MFSD6: variants seen among roughly 807,000 people sequenced by gnomAD.
MFSD6 encodes major facilitator superfamily domain-containing protein 6.
Under a neutral mutation model 56.3 loss-of-function variants are expected in MFSD6, and 26 were observed. That is an observed-to-expected ratio of 0.46 (90% confidence interval 0.34 to 0.64). MFSD6 has a LOEUF of 0.64. Among genes scored for constraint, MFSD6 ranks in the 30% least tolerant of loss-of-function variants. MFSD6 has a pLI of 0.01. For synonymous variants in MFSD6, 331 were observed against 366.9 expected, an observed-to-expected ratio of 0.90 and a Z score of 1.12; for missense variants, 750 against 986.2, an observed-to-expected ratio of 0.76 and a Z score of 3.21.
rs536998788 is a variant in MFSD6, at chr2:190,490,735, G to A, written c.1891+869G>A. On this transcript the variant is annotated intron_variant, in intron 6 of 7. Coordinates refer to ENST00000392328, the MANE Select transcript of MFSD6 (RefSeq NM_017694.4). This position sits in a 1 kb window ranked among gnomAD's most constrained non-coding sequence, Gnocchi z 4.5. Reference sequence around the variant, plus strand: ...TTTTATGAAAAAGGTCAACCAGGAGGATGAAAATATTTTTGCTCAGTTTTT... The same window carrying A: ...TTTTATGAAAAAGGTCAACCAGGAGAATGAAAATATTTTTGCTCAGTTTTT... Among the ~76,000 whole-genome samples the A allele has an allele frequency of 3.2e-4, 49 of 152,180 alleles. No individual in the cohort carries two copies. The highest frequency in any genetic ancestry group is 5.9e-4 in the Non-Finnish European group (40 of 68,040).
intron 3 of MFSD6, among the ~76,000 whole-genome samples, chr2:190,450,473 CTTTT>C: frequency 8.3e-6 from 1 of 119,864 alleles, no homozygotes; most frequent in African/African-American, 2.9e-5. Flanking sequence ...CTAACTTTTT[CTTTT>C]TCTCTTTTTC....
chr2:190,424,223 G>T lies in MFSD6; in HGVS notation c.-54+8810G>T, dbSNP rs1002755618. Reference sequence around the variant, plus strand: ...ACTCTGCCTAGCACTAGAGGCTAAAGATTTTCTTCTTCTTTTTTTTTTTTT... The same window carrying T: ...ACTCTGCCTAGCACTAGAGGCTAAATATTTTCTTCTTCTTTTTTTTTTTTT... On this transcript the variant is annotated intron_variant, in intron 2 of 7. Transcript: ENST00000392328. This position sits in a 1 kb window ranked among gnomAD's most constrained non-coding sequence, Gnocchi z 5.9. 7.2e-6 allele frequency among the ~76,000 whole-genome samples: 1 copy of T among 139,678 alleles called. No individual in the cohort carries two copies. The highest frequency in any genetic ancestry group is 2.8e-5 in the African/African-American group (1 of 35,802). The allele number at this position is 139,678 out of a possible 152,430, so 91.6% of individuals were successfully genotyped here. A position where few individuals can be genotyped will look rare whatever the true frequency, so the allele number is the denominator to read the frequency against.
intron 2 of MFSD6, among the ~76,000 whole-genome samples, chr2:190,428,747 C>G (rs1559106061): frequency 6.6e-6 from 1 of 152,036 alleles, no homozygotes; most frequent in Non-Finnish European, 1.5e-5. Flanking sequence ...TATCTCAGCT[C>G]ACTGCAACCC....
At chr2:190,486,192 C>G (rs1271238005) in intron 4 of MFSD6, among the ~76,000 whole-genome samples, 1 of 152,238 alleles carries the variant, frequency 6.6e-6, no homozygotes, top group African/African-American at 2.4e-5. Flanking sequence ...GTTGAGTACT[C>G]TACCAATCCT....
In MFSD6 at chr2:190,469,809, C is replaced by T. The variant is rs1007846767; in HGVS notation, c.1584C>T (p.Ser528=). ...ATACGGCTCGCTATATTTATATTTC[C>T]TACCTGGAGAATGCCTGGACTGTTC... The part of the protein sequence containing the change: ...ACNTARYIYI[S]YLENAWTVLP... The change falls in exon 4 of 8, where the codon TCC becomes TCT. Residue 528 remains serine, a synonymous_variant. Coordinates refer to ENST00000392328, the MANE Select transcript of MFSD6 (RefSeq NM_017694.4). This position sits in a 1 kb window ranked among gnomAD's most constrained non-coding sequence, Gnocchi z 5.3. 3 of 1,608,770 alleles carry T rather than the reference C, an allele frequency of 1.9e-6. No individual in the cohort carries two copies. The highest frequency in any genetic ancestry group is 2.7e-5 in the African/African-American group (2 of 74,380).
rs1436635132 is a variant in MFSD6 at position 190,431,204 on chromosome 2, G to A, written c.-53-4773G>A. ...GATGGGATGGTGGCCGGGAAGAGGC[G>A]CTCCTCACTTCCCAGACTGGGCAGC... is the stretch of plus-strand genomic sequence containing the variant. On this transcript the variant is annotated intron_variant, in intron 2 of 7. Coordinates refer to ENST00000392328, the MANE Select transcript of MFSD6 (RefSeq NM_017694.4). This position sits in a 1 kb window ranked among gnomAD's most constrained non-coding sequence, Gnocchi z 4.4. Among the ~76,000 whole-genome samples, 6 of 149,720 alleles carry A rather than the reference G, an allele frequency of 4.0e-5. No individual in the cohort carries two copies. The highest frequency in any genetic ancestry group is 1.2e-4 in the African/African-American group (5 of 40,424).
chr2:190,414,132 G>A (rs1575813051), intron 1 of MFSD6, among the ~76,000 whole-genome samples: 1 of 152,134 alleles, frequency 6.6e-6, no homozygotes, highest in Admixed American at 6.5e-5. Context: ...TTGGGTGGCA[G>A]GGGGAGGGAG....
At position 190,459,508 on chromosome 2, in the gene MFSD6, C is replaced by T. The variant is rs888232118; in HGVS notation, c.1533-10250C>T. Reference sequence around the variant, plus strand: ...TGTGTGAATATGTTCAGTCATTTGACTAAACAGAAAAATATAACAACAAAA... The same window carrying T: ...TGTGTGAATATGTTCAGTCATTTGATTAAACAGAAAAATATAACAACAAAA... On this transcript the variant is annotated intron_variant, in intron 3 of 7. Coordinates refer to ENST00000392328, the MANE Select transcript of MFSD6 (RefSeq NM_017694.4). This position sits in a 1 kb window ranked among gnomAD's most constrained non-coding sequence, Gnocchi z 5.3. Among the ~76,000 whole-genome samples, 6 of 152,100 alleles carry T rather than the reference C, an allele frequency of 3.9e-5. No homozygotes were observed. The highest frequency in any genetic ancestry group is 8.8e-5 in the Non-Finnish European group (6 of 68,024).
Position 190,437,138 on chromosome 2 carries a change from T to A in MFSD6, c.1109T>A (p.Ile370Asn). Residue 370 changes from isoleucine to asparagine, a missense_variant, in exon 3 of 8, where the codon ATC becomes AAC. By Grantham distance (149) the Ile-to-Asn change is moderately radical. Transcript: ENST00000392328. This position sits in a 1 kb window ranked among gnomAD's most constrained non-coding sequence, Gnocchi z 5.9. Reference protein sequence around the residue: ...CKPPEYRNYQIVFIVFGVLMT... With the variant: ...CKPPEYRNYQNVFIVFGVLMT... Reference sequence around the variant, plus strand: ...CCCCCCGAGTACAGGAATTACCAGATCGTCTTCATCGTCTTCGGCGTTCTC... The same window carrying A: ...CCCCCCGAGTACAGGAATTACCAGAACGTCTTCATCGTCTTCGGCGTTCTC... 1 of 1,614,254 alleles carries A rather than the reference T, an allele frequency of 6.2e-7. No homozygotes were observed. Among genetic ancestry groups the A allele is most frequent in the East Asian group, 2.2e-5 (1 of 44,884 alleles).
In MFSD6 at chr2:190,495,797, A is replaced by G. The variant is rs573644072; in HGVS notation, c.1892-1642A>G. ...GGATAATTGGCAAGCCACATGTAGGAGAATGAAACTGGATCCTCATTTCTC... is the reference window on the plus strand; with the variant it reads ...GGATAATTGGCAAGCCACATGTAGGGGAATGAAACTGGATCCTCATTTCTC... On this transcript the variant is annotated intron_variant, in intron 6 of 7. Coordinates refer to ENST00000392328, the MANE Select transcript of MFSD6 (RefSeq NM_017694.4). This position sits in a 1 kb window ranked among gnomAD's most constrained non-coding sequence, Gnocchi z 4.7. Among the ~76,000 whole-genome samples, 53 of 152,232 alleles carry G rather than the reference A, an allele frequency of 3.5e-4. 1 individual carries two copies. Among genetic ancestry groups the G allele is most frequent in the Admixed American group, 1.1e-3 (17 of 15,284 alleles).
chr2:190,423,763 T>C lies in MFSD6; in HGVS notation c.-54+8350T>C, dbSNP rs1039897242. The stretch of plus-strand genomic sequence containing the variant: ...ATTTTAAATCCCCACCCACAGTATA[T>C]GAGTAATTTGGTAGTTGTGCCTCCT... On this transcript the variant is annotated intron_variant, in intron 2 of 7. Coordinates refer to ENST00000392328, the MANE Select transcript of MFSD6 (RefSeq NM_017694.4). The surrounding 1 kb of genome is among the most constrained non-coding windows in gnomAD (Gnocchi z 4.3). Among the ~76,000 whole-genome samples the C allele has an allele frequency of 6.6e-6, 1 of 152,206 alleles. No homozygotes were observed. Among genetic ancestry groups the C allele is most frequent in the African/African-American group, 2.4e-5 (1 of 41,458 alleles).
rs1228485488 is a variant in MFSD6, at chr2:190,497,582, G to T, written c.2035G>T (p.Glu679Ter). 1 of 1,614,156 alleles carries T rather than the reference G, an allele frequency of 6.2e-7. No homozygotes were observed. The highest frequency in any genetic ancestry group is 8.5e-7 in the Non-Finnish European group (1 of 1,180,022). The part of the protein sequence containing the change: ...LPPKKTKHQE[E>*]QEDVNKPAWG... ...ACCCAAGAAAACTAAGCACCAGGAA[G>T]AACAGGAAGATGTGAACAAACCAGC... Residue 679 changes from glutamate to a stop codon, truncating the protein, a stop_gained, in exon 7 of 8, where the codon GAA becomes TAA. Transcript: ENST00000392328. LOFTEE classifies it high-confidence loss of function. This position sits in a 1 kb window ranked among gnomAD's most constrained non-coding sequence, Gnocchi z 5.2.
At position 190,499,926 on chromosome 2, in the gene MFSD6, T is replaced by C; in HGVS notation, c.2173-89T>C. ...TGGGCACTTCCGGATGATCTCCCCA[T>C]GTTTCCTGTCTTACTTGAAAGCATA... On this transcript the variant is annotated intron_variant, in intron 7 of 7. Transcript: ENST00000392328. The surrounding 1 kb of genome is among the most constrained non-coding windows in gnomAD (Gnocchi z 6.0). The C allele has an allele frequency of 1.9e-6, 3 of 1,590,806 alleles. No individual in the cohort carries two copies. The highest frequency in any genetic ancestry group is 1.7e-4 in the Middle Eastern group (1 of 6,034).
At chr2:190,427,160 T>C (rs1685807757) in intron 2 of MFSD6, among the ~76,000 whole-genome samples, 1 of 152,260 alleles carries the variant, frequency 6.6e-6, no homozygotes, top group South Asian at 2.1e-4. Flanking sequence ...GGGTGCCTTG[T>C]TACCAACAGG....
At position 190,496,121 on chromosome 2, in the gene MFSD6, A is replaced by G. The variant is rs1265773710; in HGVS notation, c.1892-1318A>G. Among the ~76,000 whole-genome samples the G allele has an allele frequency of 6.6e-6, 1 of 152,068 alleles. No individual in the cohort carries two copies. The highest frequency in any genetic ancestry group is 2.4e-5 in the African/African-American group (1 of 41,394). Reference sequence around the variant, plus strand: ...AAAGGACTAATATCCAGAATCTATGACGAACTCAAACAAATTAGCAAGAAA... The same window carrying G: ...AAAGGACTAATATCCAGAATCTATGGCGAACTCAAACAAATTAGCAAGAAA... On this transcript the variant is annotated intron_variant, in intron 6 of 7. Transcript: ENST00000392328. The surrounding 1 kb of genome is among the most constrained non-coding windows in gnomAD (Gnocchi z 4.7).
chr2:190,485,980 T>A lies in MFSD6; in HGVS notation c.1631-2677T>A, dbSNP rs992144328. ...ATCATCCCTGATAATTTTTTTATTA[T>A]GCCAGATATTGTGAATGGTACCTGG... On this transcript the variant is annotated intron_variant, in intron 4 of 7. Transcript: ENST00000392328. The surrounding 1 kb of genome is among the most constrained non-coding windows in gnomAD (Gnocchi z 5.1). Among the ~76,000 whole-genome samples, 2 of 152,238 alleles carry A rather than the reference T, an allele frequency of 1.3e-5. No individual in the cohort carries two copies. The highest frequency in any genetic ancestry group is 2.9e-5 in the Non-Finnish European group (2 of 68,038).
At chr2:190,408,908 C>T (rs1285374507) in intron 1 of MFSD6, among the ~76,000 whole-genome samples, 1 of 152,120 alleles carries the variant, frequency 6.6e-6, no homozygotes, top group Non-Finnish European at 1.5e-5. Flanking sequence ...AGCGCCGATG[C>T]CCGGGTCCTC....
rs779261398 is a variant in MFSD6 at position 190,488,825 on chromosome 2, A to G, written c.1792+7A>G. 1 of 1,540,570 alleles carries G rather than the reference A, an allele frequency of 6.5e-7. No homozygotes were observed. The highest frequency in any genetic ancestry group is 8.7e-7 in the Non-Finnish European group (1 of 1,146,470). On this transcript the variant is annotated splice_region_variant and intron_variant, in intron 5 of 7. Transcript: ENST00000392328. The surrounding 1 kb of genome is among the most constrained non-coding windows in gnomAD (Gnocchi z 6.4). ...GTGTTAGTCAATTATTTTGGTAAGA[A>G]TGGCTTTCTCCTTTTTTTTCTTTTC...
intron 4 of MFSD6, among the ~76,000 whole-genome samples, chr2:190,484,491 A>G (rs1311694708): frequency 2.6e-5 from 4 of 152,212 alleles, no homozygotes; most frequent in Non-Finnish European, 5.9e-5. Context: ...CACAATTCCT[A>G]AGACTTCCTA....
Sources: allele counts gnomAD v4.1 joint callset (sites outside exome capture counted in the v4.1 genomes callset), GRCh38; gene constraint gnomAD v4.1.1; non-coding constraint Gnocchi (gnomAD v3.1); transcripts MANE v1.5; gene names NCBI Gene and HGNC (gene_info 2026-07-23, HGNC 2026-07-21).